CLTCL1: variants seen among roughly 807,000 people sequenced by gnomAD.
CLTCL1 encodes the protein clathrin heavy chain like 1.
CLTCL1 carries 159 observed loss-of-function variants against 190.0 expected under a neutral mutation model. The ratio of observed to expected loss-of-function variants is 0.84; its 90% CI spans 0.74 to 0.95. The LOEUF is 0.95. CLTCL1 is among the 40% of genes least tolerant of loss of function. The pLI is 0.00. For missense variants in CLTCL1, 1,878 were observed against 2,033.4 expected (o/e 0.92, Z 1.47); for synonymous variants, 752 against 769.6 (o/e 0.98, Z 0.38).
intron 2 of CLTCL1, among the ~76,000 whole-genome samples, chr22:19,271,119 C>T (rs1031830567): frequency 1.3e-5 from 2 of 151,716 alleles, no homozygotes; most frequent in Admixed American, 6.6e-5. Context: ...GCCAACTCTG[C>T]CGCACAGATA....
chr22:19,214,334 C>G (rs1267475322), intron 19 of CLTCL1, among the ~76,000 whole-genome samples: 3 of 152,206 alleles, frequency 2.0e-5, no homozygotes, highest in Non-Finnish European at 4.4e-5. Context: ...TGGCCTCACT[C>G]TGTGCCTCCT....
rs781969424 is a variant in CLTCL1, at chr22:19,221,948, T to G, written c.2561+3A>C. 6.2e-7 allele frequency: 1 copy of G among 1,613,648 alleles called. No homozygotes were observed. Reference sequence around the variant, plus strand: ...GAGAAAACACCAAGTAAGGACACCTTACCTATTTCTTTTTTCTACTTCAGC... The same window carrying G: ...GAGAAAACACCAAGTAAGGACACCTGACCTATTTCTTTTTTCTACTTCAGC... On this transcript the variant is annotated splice_donor_region_variant and intron_variant, in intron 16 of 32. Transcript: ENST00000427926.
chr22:19,229,333 G>A (rs1397429009), intron 11 of CLTCL1, among the ~76,000 whole-genome samples: 2 of 152,122 alleles, frequency 1.3e-5, no homozygotes, highest in African/African-American at 4.8e-5. Context: ...AAAAAAGCCA[G>A]GTAAAAGGAC....
intron 30 of CLTCL1, chr22:19,182,897 CAG>C (rs574977799): frequency 6.4e-4 from 112 of 174,724 alleles, no homozygotes; most frequent in African/African-American, 2.6e-3. Context: ...TTCGATGAGG[CAG>C]AGAGTCATCC....
rs1285098057 is a variant in CLTCL1 at position 19,224,028 on chromosome 22, C to T, written c.2155G>A (p.Val719Met). 7 of 1,613,830 alleles carry T rather than the reference C, an allele frequency of 4.3e-6. No individual in the cohort carries two copies. The highest frequency in any genetic ancestry group is 2.2e-5 in the East Asian group (1 of 44,898). ...ACATCTGGGTCTTGGCTGAAGTTCA[C>T]GATTGAGCCCAGGAAGTAGAAGAGG... ...KGLFYFLGSI[V>M]NFSQDPDVHL... The change falls in exon 14 of 33, where the codon GTG becomes ATG. Residue 719 changes from valine (V) to methionine (M), a missense_variant. Transcript: ENST00000427926.
In CLTCL1 at chr22:19,188,816, A is replaced by T. The variant is rs554763864; in HGVS notation, c.4324-725T>A. 2.3e-4 allele frequency among the ~76,000 whole-genome samples: 34 copies of T among 150,686 alleles called. 1 individual carries two copies. The South Asian group carries it at 6.9e-3, about 31-fold the overall frequency. ...TTTAGTAGAGACAGGGTTTCACCAT[A>T]TTGGTCAGGCTAAGTCTCGAACTCC... On this transcript the variant is annotated intron_variant, in intron 27 of 32. Coordinates refer to ENST00000427926, the MANE Select transcript of CLTCL1 (RefSeq NM_007098.4).
intron 13 of CLTCL1, among the ~76,000 whole-genome samples, chr22:19,224,926 C>T (rs1264575183): frequency 1.3e-5 from 2 of 152,222 alleles, no homozygotes; most frequent in Non-Finnish European, 2.9e-5. Context: ...CTAACAAAGC[C>T]ACTCCCATCC....
Position 19,232,587 on chromosome 22 carries a change from G to A in CLTCL1, c.1533C>T (p.Thr511=). 6.2e-7 allele frequency: 1 copy of A among 1,612,610 alleles called. No homozygotes were observed. The highest frequency in any genetic ancestry group is 8.5e-7 in the Non-Finnish European group (1 of 1,179,320). ...IVLYAKKVGY[T]PDWIFLLRGV... ...CCCTCAGCAGAAAGATCCAGTCTGGGGTGTACCCAACCTAGAAGCAAGGGA... is the reference window on the plus strand; with the variant it reads ...CCCTCAGCAGAAAGATCCAGTCTGGAGTGTACCCAACCTAGAAGCAAGGGA... The change falls in exon 10 of 33, where the codon ACC becomes ACT. Residue 511 remains threonine (T), a synonymous_variant. Transcript: ENST00000427926.
In CLTCL1 at chr22:19,180,961, C is replaced by G; in HGVS notation, c.4828-155G>C. On this transcript the variant is annotated intron_variant, in intron 30 of 32. Transcript: ENST00000427926. ...GATGTGGAGTGGCTCAGCCCACACCCCATGCACTTTTAGAATGCAGCAAGG... is the reference window on the plus strand; with the variant it reads ...GATGTGGAGTGGCTCAGCCCACACCGCATGCACTTTTAGAATGCAGCAAGG... 4.6e-6 allele frequency: 3 copies of G among 655,824 alleles called. No individual in the cohort carries two copies. The South Asian group carries it at 5.2e-5, about 11-fold the overall frequency. 40.6% of individuals were successfully genotyped at this position (655,824 alleles called of 1,614,324 possible). A position where few individuals can be genotyped will look rare whatever the true frequency, so the allele number is the denominator to read the frequency against.
rs782357003 is a variant in CLTCL1 at position 19,226,342 on chromosome 22, G to A, written c.1824C>T (p.Tyr608=). ...AILGNKMFTH[Y]DRAHIAQLCE... ...AGAGCTGGGCAATGTGGGCCCGGTCGTAATGAGTAAACATTTTATTTCCAA... is the reference window on the plus strand; with the variant it reads ...AGAGCTGGGCAATGTGGGCCCGGTCATAATGAGTAAACATTTTATTTCCAA... Residue 608 remains tyrosine (Y), a synonymous_variant, in exon 12 of 33, where the codon TAC becomes TAT. Transcript: ENST00000427926. 7.4e-6 allele frequency: 12 copies of A among 1,614,018 alleles called. No homozygotes were observed. The highest frequency in any genetic ancestry group is 6.7e-5 in the East Asian group (3 of 44,884).
Position 19,222,688 on chromosome 22 carries a change from T to G in CLTCL1, c.2414A>C (p.Gln805Pro). 1 of 1,589,970 alleles carries G rather than the reference T, an allele frequency of 6.3e-7. No homozygotes were observed. Among genetic ancestry groups the G allele is most frequent in the Non-Finnish European group, 8.6e-7 (1 of 1,167,992 alleles). The change falls in exon 15 of 33, where the codon CAG becomes CCG. Residue 805 changes from glutamine (Q) to proline (P), a missense_variant. Transcript: ENST00000427926. ...ACTCCAGGGAGCCAGCAGTACCTTC[T>G]GCACGTAGATCTCAATGTACCTCTG... The part of the protein sequence containing the change: ...NLQRYIEIYV[Q>P]KVNPSRTPAV...
At chr22:19,239,474 C>G (rs1460250698) in intron 4 of CLTCL1, 86 bp from the exon 5 acceptor site, 11 of 881,968 alleles carry the variant, frequency 1.2e-5, no homozygotes, top group African/African-American at 4.9e-5. Flanking sequence ...AGTGGAGCCT[C>G]AGCTCCACAC....
intron 20 of CLTCL1, 67 bp downstream of exon 20, chr22:19,210,259 C>T: frequency 6.6e-7 from 1 of 1,508,316 alleles, no homozygotes; most frequent in Non-Finnish European, 9.1e-7. Flanking sequence ...AGGACAAGGG[C>T]TTGCAGGGCG....
At position 19,240,821 on chromosome 22, in the gene CLTCL1, A is replaced by G. The variant is rs568554592; in HGVS notation, c.682-1433T>C. 5.4e-4 allele frequency among the ~76,000 whole-genome samples: 82 copies of G among 152,332 alleles called. 1 individual carries two copies. Among genetic ancestry groups the G allele is most frequent in the Non-Finnish European group, 1.2e-4 (8 of 68,020 alleles). On this transcript the variant is annotated intron_variant, in intron 4 of 32. Coordinates refer to ENST00000427926, the MANE Select transcript of CLTCL1 (RefSeq NM_007098.4). ...ATGGGTTCTTGCTCGGGAGCTGAGA[A>G]GGGTGACACTGCCAGCAGGAGCAGA...
chr22:19,279,241 T>C (rs1178830634), intron 1 of CLTCL1, among the ~76,000 whole-genome samples: 1 of 152,146 alleles, frequency 6.6e-6, no homozygotes, highest in African/African-American at 2.4e-5. Flanking sequence ...GTTCCAGCAA[T>C]TCTCCTGCCT....
At chr22:19,227,934 A>G (rs2145829446) in intron 11 of CLTCL1, among the ~76,000 whole-genome samples, 1 of 152,314 alleles carries the variant, frequency 6.6e-6, no homozygotes, top group South Asian at 2.1e-4. Context: ...CTAAGACTGG[A>G]TAGGTCAACA....
intron 24 of CLTCL1, among the ~76,000 whole-genome samples, chr22:19,197,341 T>C (rs2084743114): frequency 6.6e-6 from 1 of 152,064 alleles, no homozygotes; most frequent in Admixed American, 6.6e-5. Flanking sequence ...AGTGGCACAC[T>C]TGTCTGCTGG....
chr22:19,250,796 C>T (rs2086570396), intron 3 of CLTCL1, among the ~76,000 whole-genome samples: 1 of 152,140 alleles, frequency 6.6e-6, no homozygotes, highest in African/African-American at 2.4e-5. Context: ...TCAGGTTATC[C>T]ACCTTCCTCA....
intron 29 of CLTCL1, among the ~76,000 whole-genome samples, chr22:19,187,312 C>T (rs2084345510): frequency 1.3e-5 from 2 of 152,044 alleles, no homozygotes; most frequent in Admixed American, 1.3e-4. Flanking sequence ...AAAGAATCAA[C>T]TCCGTAAAAC....
Sources: allele counts gnomAD v4.1 joint callset (sites outside exome capture counted in the v4.1 genomes callset), GRCh38; gene constraint gnomAD v4.1.1; transcripts MANE v1.5; gene names NCBI Gene and HGNC (gene_info 2026-07-23, HGNC 2026-07-21).